The following AP4E1 variants were observed in gnomAD, a reference collection of about 807,000 sequenced individuals.
AP4E1 encodes the protein AP-4 complex subunit epsilon-1.
AP4E1 carries 56 observed loss-of-function variants against 128.2 expected under a neutral mutation model. The observed-to-expected ratio is 0.44, with a 90% CI of 0.35 to 0.55. AP4E1 has a LOEUF of 0.55. Ranked by LOEUF, AP4E1 falls within the 20% of genes least tolerant of loss-of-function variation. AP4E1 has a pLI of 0.00. For synonymous variants in AP4E1, 484 were observed against 473.1 expected (o/e 1.02, Z -0.30); for missense variants, 1,324 against 1,307.7 (o/e 1.01, Z -0.19).
At chr15:51,000,297 A>G (rs1472772109) in intron 19 of AP4E1, among the ~76,000 whole-genome samples, 1 of 151,958 alleles carries the variant, frequency 6.6e-6, no homozygotes, top group Non-Finnish European at 1.5e-5. Context: ...ATATGTCACC[A>G]TGCCAGCTAA....
Position 50,923,461 on chromosome 15 carries a change from C to T in AP4E1, c.347-470C>T, listed in dbSNP as rs141717435. 4.7e-3 allele frequency among the ~76,000 whole-genome samples: 711 copies of T among 152,196 alleles called. 10 individuals are homozygous for T. Among genetic ancestry groups the T allele is most frequent in the African/African-American group, 0.017 (691 of 41,532 alleles). ...AATATATTTAATATATGATTTACAT[C>T]ATGTGCGTTGACATTAGGTGGCTAG... is the stretch of plus-strand genomic sequence containing the variant. On this transcript the variant is annotated intron_variant, in intron 3 of 20. Transcript: ENST00000261842.
intron 15 of AP4E1, among the ~76,000 whole-genome samples, chr15:50,971,212 A>G (rs1236520202): frequency 6.6e-6 from 1 of 152,172 alleles, no homozygotes; most frequent in Non-Finnish European, 1.5e-5. Flanking sequence ...TTTGCTGGAT[A>G]TGATATTCAT....
At chr15:50,949,142 A>G (rs538615235) in intron 11 of AP4E1, among the ~76,000 whole-genome samples, 1 of 151,632 alleles carries the variant, frequency 6.6e-6, no homozygotes, top group African/African-American at 2.4e-5. Context: ...TAGAAAAGAG[A>G]CTAAACACCT....
chr15:50,989,642 G>A (rs1327786952), intron 16 of AP4E1, among the ~76,000 whole-genome samples: 2 of 152,114 alleles, frequency 1.3e-5, no homozygotes, highest in African/African-American at 2.4e-5. Context: ...AGGGACAAGG[G>A]AAAGAGACAG....
chr15:50,908,860 G>C lies in AP4E1; in HGVS notation c.82G>C (p.Ala28Pro). ...CCAGCCCGGTGGTGGGCCCGCGGCC[G>C]CCAAGGCGTCCTTCTCCTCGAGGCT... ...QNQPGGGPAA[A>P]KASFSSRLGS... Residue 28 changes from alanine (A) to proline (P), a missense_variant, in exon 1 of 21, where the codon GCC becomes CCC. Transcript: ENST00000261842. The C allele has an allele frequency of 6.2e-7, 1 of 1,609,052 alleles. No homozygotes were observed. Among genetic ancestry groups the C allele is most frequent in the Non-Finnish European group, 8.5e-7 (1 of 1,178,676 alleles).
chr15:50,968,446 G>A (rs2064426750), intron 15 of AP4E1, 69 bp downstream of exon 15: 1 of 1,079,184 alleles, frequency 9.3e-7, no homozygotes, highest in African/African-American at 1.6e-5. Context: ...AGTCATGTAA[G>A]TAAATAAATA....
At chr15:50,912,209 A>C in intron 2 of AP4E1, 60 bp downstream of exon 2, 1 of 1,390,796 alleles carries the variant, frequency 7.2e-7, no homozygotes, top group Non-Finnish European at 1.0e-6. Context: ...CTGTGGACTC[A>C]ATAGTGGCAT....
intron 2 of AP4E1, 67 bp downstream of exon 2, chr15:50,912,216 G>A: frequency 3.8e-6 from 5 of 1,326,696 alleles, no homozygotes; most frequent in Non-Finnish European, 5.4e-6. Flanking sequence ...CTCAATAGTG[G>A]CATCTAACTG....
chr15:50,957,918 C>T (rs571751727), intron 13 of AP4E1, among the ~76,000 whole-genome samples: 8 of 151,866 alleles, frequency 5.3e-5, no homozygotes, highest in East Asian at 3.9e-4. Context: ...GTGATCCACC[C>T]GCCTCGGCCT....
chr15:50,998,494 G>T (rs2064912328), intron 18 of AP4E1, among the ~76,000 whole-genome samples: 2 of 152,076 alleles, frequency 1.3e-5, no homozygotes, highest in Admixed American at 6.6e-5. Flanking sequence ...GCTGGGCATG[G>T]TGGTACGCAC....
intron 1 of AP4E1, among the ~76,000 whole-genome samples, chr15:50,911,124 G>C (rs2063562117): frequency 6.6e-6 from 1 of 152,166 alleles, no homozygotes; most frequent in Non-Finnish European, 1.5e-5. Context: ...AGTGGCTTTT[G>C]AATAGCCATC....
chr15:50,931,496 G>T (rs750699669), intron 7 of AP4E1, among the ~76,000 whole-genome samples: 1 of 152,080 alleles, frequency 6.6e-6, no homozygotes, highest in African/African-American at 2.4e-5. Flanking sequence ...AACCCAGGAG[G>T]TGTAGGTTGC....
intron 10 of AP4E1, among the ~76,000 whole-genome samples, chr15:50,942,621 G>A (rs1448655623): frequency 1.3e-5 from 2 of 148,398 alleles, no homozygotes; most frequent in African/African-American, 4.9e-5. Flanking sequence ...ATATAACATA[G>A]CATATACTAT....
rs190095788 is a variant in AP4E1 at position 51,004,428 on chromosome 15, C to T, written c.*1766C>T. 6.6e-6 allele frequency: 1 copy of T among 152,158 alleles called. No individual in the cohort carries two copies. Among genetic ancestry groups the T allele is most frequent in the East Asian group, 1.9e-4 (1 of 5,206 alleles). The allele number at this position is 152,158 out of a possible 1,614,324, so 9.4% of individuals were successfully genotyped here. On this transcript the variant is annotated 3_prime_UTR_variant, in exon 21 of 21. Transcript: ENST00000261842. ...GTTTGCCTAGTTACTGAGGCTAGGT[C>T]GAGTGTGAAGCAATAGGTGTAAGAT...
chr15:50,989,809 G>T (rs1595577018), intron 16 of AP4E1, among the ~76,000 whole-genome samples: 1 of 152,208 alleles, frequency 6.6e-6, no homozygotes, highest in East Asian at 1.9e-4. Flanking sequence ...ATGACATTTG[G>T]CAAAACTGCT....
intron 3 of AP4E1, among the ~76,000 whole-genome samples, chr15:50,916,849 A>G (rs1485998121): frequency 1.3e-5 from 2 of 152,128 alleles, no homozygotes; most frequent in African/African-American, 2.4e-5. Context: ...TTATCTTTTC[A>G]TATATTAATG....
chr15:50,949,910 C>T lies in AP4E1; in HGVS notation c.1401C>T (p.Pro467=). Reference sequence around the variant, plus strand: ...GAGATGTAATGCATCCTGATATTCCCAATAACTTTCTGAGACTACTAGCGG... The same window carrying T: ...GAGATGTAATGCATCCTGATATTCCTAATAACTTTCTGAGACTACTAGCGG... The part of the protein sequence containing the change: ...VGGDVMHPDI[P]NNFLRLLAEG... Residue 467 remains proline, a synonymous_variant, in exon 12 of 21, where the codon CCC becomes CCT. Coordinates refer to ENST00000261842, the MANE Select transcript of AP4E1 (RefSeq NM_007347.5). 5 of 1,613,546 alleles carry T rather than the reference C, an allele frequency of 3.1e-6. No homozygotes were observed. The South Asian group carries it at 3.3e-5, about 11-fold the overall frequency.
At chr15:50,926,587 GT>G in intron 5 of AP4E1, among the ~76,000 whole-genome samples, 1 of 150,902 alleles carries the variant, frequency 6.6e-6, no homozygotes, top group South Asian at 2.1e-4. Context: ...GCAAAATGTT[GT>G]TTTATAGCTT....
At chr15:50,977,556 A>G (rs572033858) in intron 15 of AP4E1, among the ~76,000 whole-genome samples, 3 of 152,146 alleles carry the variant, frequency 2.0e-5, no homozygotes, top group South Asian at 2.1e-4. Context: ...AAGATATAGC[A>G]AGTATTTAAT....
Sources: allele counts gnomAD v4.1 joint callset (sites outside exome capture counted in the v4.1 genomes callset), GRCh38; gene constraint gnomAD v4.1.1; transcripts MANE v1.5; gene names NCBI Gene and HGNC (gene_info 2026-07-23, HGNC 2026-07-21).